The following NRG1 variants were observed in gnomAD, a reference collection of about 807,000 sequenced individuals.
The protein encoded by NRG1 is neuregulin 1.
A neutral mutation model predicts 63.8 loss-of-function variants in NRG1; 18 were observed. That is an observed-to-expected ratio of 0.28 (90% CI 0.19 to 0.42). NRG1 has a LOEUF of 0.42. Among genes scored for constraint, NRG1 ranks in the 10% least tolerant of loss-of-function variants. The pLI, the probability that NRG1 is intolerant of heterozygous loss-of-function variation, is 1.00. For synonymous variants in NRG1, 302 were observed against 301.3 expected, an observed-to-expected ratio of 1.00 and a Z score of -0.02; for missense variants, 762 against 814.7, an observed-to-expected ratio of 0.94 and a Z score of 0.79.
At chr8:31,805,670 T>C (rs1219856665) in intron 1 of NRG1, among the ~76,000 whole-genome samples, 1 of 151,644 alleles carries the variant, frequency 6.6e-6, no homozygotes, top group African/African-American at 2.4e-5. Context: ...CTACTAAAAA[T>C]ACAAAAAGTT....
chr8:31,937,513 C>T (rs1294527859), intron 1 of NRG1, among the ~76,000 whole-genome samples: 2 of 152,060 alleles, frequency 1.3e-5, no homozygotes, highest in African/African-American at 4.8e-5. Context: ...GGAGAGAATC[C>T]ACAGACCCTT....
At chr8:32,760,217 C>T in exon 11 of NRG1, 1 of 1,614,012 alleles carries the variant, frequency 6.2e-7, no homozygotes, top group Non-Finnish European at 8.5e-7. Flanking sequence ...AACGGACACA[C>T]TGAAAGCATC....
intron 1 of NRG1, among the ~76,000 whole-genome samples, chr8:31,969,836 C>T (rs981430920): frequency 6.6e-6 from 1 of 152,048 alleles, no homozygotes; most frequent in African/African-American, 2.4e-5. Context: ...TATGTGTGCT[C>T]TGGGCAGGGG....
At chr8:32,182,967 A>T (rs1841586620) in intron 1 of NRG1, among the ~76,000 whole-genome samples, 1 of 152,226 alleles carries the variant, frequency 6.6e-6, no homozygotes, top group Non-Finnish European at 1.5e-5. Context: ...GAAAAATTAC[A>T]ATGAAAAACT....
chr8:32,390,091 CT>C (rs1252060755), intron 1 of NRG1, among the ~76,000 whole-genome samples: 1 of 151,978 alleles, frequency 6.6e-6, no homozygotes, highest in Non-Finnish European at 1.5e-5. Context: ...ATTTTTTTCC[CT>C]CCCCTTTCTG....
intron 1 of NRG1, among the ~76,000 whole-genome samples, chr8:32,481,338 TAATA>T (rs575195687): frequency 0.016 from 1,831 of 116,796 alleles, 42 homozygotes; most frequent in African/African-American, 0.056. Context: ...GAACCTGTCT[TAATA>T]AATAAATAAA....
intron 1 of NRG1, among the ~76,000 whole-genome samples, chr8:31,801,961 G>A (rs1586518954): frequency 1.3e-5 from 2 of 152,092 alleles, no homozygotes; most frequent in African/African-American, 4.8e-5. Context: ...TGTGTGCTTT[G>A]CTGCCATAGT....
At chr8:32,267,872 C>T (rs1031694779) in intron 1 of NRG1, among the ~76,000 whole-genome samples, 3 of 152,128 alleles carry the variant, frequency 2.0e-5, no homozygotes, top group Non-Finnish European at 4.4e-5. Context: ...TTAAGATCAG[C>T]GTTTACTATA....
chr8:32,330,041 TAAAAAAAAAAAAAAAAAAAAAAAAAAAA>T (rs532006401), intron 1 of NRG1, among the ~76,000 whole-genome samples: 1 of 42,978 alleles, frequency 2.3e-5, no homozygotes, highest in Non-Finnish European at 4.0e-5. Context: ...CCTAGCTAAT[TAAAAAAAAAAAAAAAAAAAAAAAAAAAA>T]AAAAAAAAAA....
At chr8:32,280,629 G>T (rs2129473161) in intron 1 of NRG1, among the ~76,000 whole-genome samples, 1 of 144,864 alleles carries the variant, frequency 6.9e-6, no homozygotes, top group Middle Eastern at 4.2e-3. Context: ...AAAAATTCTG[G>T]ATACAGATGC....
At chr8:32,239,872 A>C (rs563725328) in intron 1 of NRG1, among the ~76,000 whole-genome samples, 34 of 152,302 alleles carry the variant, frequency 2.2e-4, no homozygotes, top group Non-Finnish European at 3.8e-4. Flanking sequence ...CTATCTACCT[A>C]TCAGGATGGC....
chr8:32,518,046 A>AT (rs1290714648), intron 1 of NRG1, among the ~76,000 whole-genome samples: 7 of 152,158 alleles, frequency 4.6e-5, no homozygotes, highest in Non-Finnish European at 8.8e-5. Flanking sequence ...TAAGGAAAAG[A>AT]TAAAAAAAAT....
intron 1 of NRG1, among the ~76,000 whole-genome samples, chr8:32,572,078 C>T (rs1838706618): frequency 1.3e-5 from 2 of 152,266 alleles, no homozygotes; most frequent in South Asian, 2.1e-4. Context: ...TGCCTGTCTT[C>T]TGACTTTTTA....
intron 1 of NRG1, among the ~76,000 whole-genome samples, chr8:32,037,898 G>A (rs1819332402): frequency 6.6e-6 from 1 of 152,200 alleles, no homozygotes; most frequent in South Asian, 2.1e-4. Context: ...ATTCCAAAGT[G>A]GGTTTCAGTT....
chr8:32,409,764 T>C (rs1256432147), intron 1 of NRG1, among the ~76,000 whole-genome samples: 1 of 152,228 alleles, frequency 6.6e-6, no homozygotes, highest in East Asian at 1.9e-4. Flanking sequence ...TTTTTCTCTC[T>C]GTTTTCTTCT....
chr8:32,609,640 T>C (rs1380010681), intron 3 of NRG1, among the ~76,000 whole-genome samples: 3 of 130,236 alleles, frequency 2.3e-5, no homozygotes, highest in Admixed American at 7.7e-5. Flanking sequence ...TCCCTCCCTC[T>C]GTCTGTCTCT....
At chr8:31,674,387 G>A (rs536852023) in intron 1 of NRG1, among the ~76,000 whole-genome samples, 1 of 152,052 alleles carries the variant, frequency 6.6e-6, no homozygotes, top group African/African-American at 2.4e-5. Flanking sequence ...CTACATCCTT[G>A]CCAATACTTA....
chr8:31,874,735 C>T (rs1226273944), intron 1 of NRG1, among the ~76,000 whole-genome samples: 1 of 152,018 alleles, frequency 6.6e-6, no homozygotes, highest in Non-Finnish European at 1.5e-5. Context: ...TGATCATCCC[C>T]ACCTTCCCCC....
chr8:32,394,031 A>T (rs1812126945), intron 1 of NRG1, among the ~76,000 whole-genome samples: 1 of 151,856 alleles, frequency 6.6e-6, no homozygotes. Context: ...TGCATCTCTT[A>T]TTCCTTCTAA....
Sources: allele counts gnomAD v4.1 joint callset (sites outside exome capture counted in the v4.1 genomes callset), GRCh38; gene constraint gnomAD v4.1.1; transcripts MANE v1.5; gene names NCBI Gene and HGNC (gene_info 2026-07-23, HGNC 2026-07-21).